NBEA: variants seen among roughly 807,000 people sequenced by gnomAD.
NBEA encodes lysosomal-trafficking regulator 2.
Under a neutral mutation model 343.4 loss-of-function variants are expected in NBEA, and 44 were observed. The ratio of observed to expected loss-of-function variants is 0.13; its 90% CI spans 0.10 to 0.16. NBEA has a LOEUF of 0.16. NBEA is among the 10% of genes least tolerant of loss of function. The probability of loss-of-function intolerance (pLI) is 1.00; values close to 1 mark genes in which losing one functional copy is unlikely to be tolerated. For synonymous variants in NBEA, 1,175 were observed against 1,238.7 expected, an observed-to-expected ratio of 0.95 and a Z score of 1.08; for missense variants, 2,555 against 3,631.3, an observed-to-expected ratio of 0.70 and a Z score of 7.62.
chr13:35,437,775 T>G (rs1364265992), intron 39 of NBEA, among the ~76,000 whole-genome samples: 1 of 152,176 alleles, frequency 6.6e-6, no homozygotes, highest in Non-Finnish European at 1.5e-5. Context: ...GCAGAATTCT[T>G]TTTCTTTTGA....
intron 10 of NBEA, among the ~76,000 whole-genome samples, chr13:35,090,471 C>T (rs1205731456): frequency 6.6e-6 from 1 of 151,910 alleles, no homozygotes; most frequent in South Asian, 2.1e-4. Flanking sequence ...GGTTTCTTAG[C>T]TGGTAAAATT....
chr13:35,331,370 A>G (rs2152848515), intron 36 of NBEA, among the ~76,000 whole-genome samples: 1 of 152,132 alleles, frequency 6.6e-6, no homozygotes, highest in African/African-American at 2.4e-5. Flanking sequence ...CTGAAATAGT[A>G]TACTCCCATT....
At chr13:35,452,353 T>C (rs1376471060) in intron 40 of NBEA, 118 bp downstream of exon 40, 6 of 730,634 alleles carry the variant, frequency 8.2e-6, no homozygotes, top group Admixed American at 5.8e-5. Flanking sequence ...CTCAATCACA[T>C]GAATGTTAAA....
In NBEA at chr13:35,672,407, T is replaced by C. The variant is rs2085649096; in HGVS notation, c.*1416T>C. 1 of 152,674 alleles carries C rather than the reference T, an allele frequency of 6.5e-6. No homozygotes were observed. Among genetic ancestry groups the C allele is most frequent in the South Asian group, 2.1e-4 (1 of 4,832 alleles). The allele number at this position is 152,674 out of a possible 1,614,324, so 9.5% of individuals were successfully genotyped here. A position where few individuals can be genotyped will look rare whatever the true frequency, so the allele number is the denominator to read the frequency against. On this transcript the variant is annotated 3_prime_UTR_variant, in exon 59 of 59. Coordinates refer to ENST00000379939, the MANE Select transcript of NBEA (RefSeq NM_001385012.1). ...TTTATTGATGTGATTACTTATTTGT[T>C]ATCCACCTTGTACTAGTAAGTTTTA...
intron 1 of NBEA, among the ~76,000 whole-genome samples, chr13:34,958,674 G>A (rs959763056): frequency 3.3e-5 from 5 of 152,044 alleles, no homozygotes; most frequent in East Asian, 1.9e-4. Flanking sequence ...CTAGAACTCC[G>A]GGCATTTGTG....
At chr13:35,104,107 A>G (rs2065793700) in intron 11 of NBEA, among the ~76,000 whole-genome samples, 1 of 151,858 alleles carries the variant, frequency 6.6e-6, no homozygotes, top group Non-Finnish European at 1.5e-5. Flanking sequence ...CTTAAGAACT[A>G]AAATGGTAAA....
chr13:35,509,458 C>G (rs2077192773), intron 41 of NBEA, among the ~76,000 whole-genome samples: 2 of 152,178 alleles, frequency 1.3e-5, no homozygotes, highest in East Asian at 1.9e-4. Context: ...AGGAGAGTCA[C>G]TTTAAGTTCG....
At chr13:35,168,799 C>T (rs932330128) in intron 24 of NBEA, among the ~76,000 whole-genome samples, 188 bp from the exon 25 acceptor site, 2 of 151,094 alleles carry the variant, frequency 1.3e-5, no homozygotes, top group Admixed American at 6.6e-5. Flanking sequence ...TGATATTTAA[C>T]CTTGATCATG....
chr13:35,606,522 G>A lies in NBEA; in HGVS notation c.7393G>A (p.Val2465Ile). The A allele has an allele frequency of 6.2e-7, 1 of 1,608,056 alleles. No homozygotes were observed. The highest frequency in any genetic ancestry group is 1.3e-5 in the African/African-American group (1 of 74,972). Residue 2465 changes from valine (V) to isoleucine (I), a missense_variant, in exon 48 of 59, where the codon GTT (valine) becomes ATT (isoleucine). Physicochemically the swap from Val to Ile is conservative, Grantham distance 29. This residue lies in a region of NBEA where 156 missense variants were observed against 185.8 expected (regional missense o/e 0.84). Transcript: ENST00000379939. ...VREDEVVVND[V>I]DLPPWAKKPE... ...AGAAGATGAAGTAGTGGTAAATGAT[G>A]TTGATCTTCCCCCTTGGGCAAAAAA...
chr13:35,116,617 C>G (rs1221290350), intron 13 of NBEA, among the ~76,000 whole-genome samples: 1 of 151,800 alleles, frequency 6.6e-6, no homozygotes, highest in Non-Finnish European at 1.5e-5. Flanking sequence ...TAAGCAGATG[C>G]TATACATTAT....
Position 35,555,019 on chromosome 13 carries a change from A to G in NBEA, c.6839A>G (p.Tyr2280Cys). 1 of 1,612,100 alleles carries G rather than the reference A, an allele frequency of 6.2e-7. No homozygotes were observed. Among genetic ancestry groups the G allele is most frequent in the Non-Finnish European group, 8.5e-7 (1 of 1,178,686 alleles). ...TCATTGGCCACTCCTCGACAGCTTT[A>G]TAAATCTTCCAATATGACTCAGCGC... is the stretch of plus-strand genomic sequence containing the variant. ...RISLATPRQLYKSSNMTQRWQ... is the reference protein window; with the variant it reads ...RISLATPRQLCKSSNMTQRWQ... Residue 2280 changes from tyrosine (Y) to cysteine (C), a missense_variant, in exon 44 of 59, where the codon TAT (tyrosine) becomes TGT (cysteine). By Grantham distance (194) the Tyr-to-Cys change is radical. Around this residue, in one of 21 missense-constraint regions of NBEA, gnomAD observed 38 missense variants for 97.2 expected, o/e 0.39. Coordinates refer to ENST00000379939, the MANE Select transcript of NBEA (RefSeq NM_001385012.1).
intron 1 of NBEA, among the ~76,000 whole-genome samples, chr13:34,973,632 T>C (rs1385767619): frequency 6.6e-6 from 1 of 152,128 alleles, no homozygotes; most frequent in African/African-American, 2.4e-5. Context: ...CTCCAGGGCC[T>C]GCAGGCTGGA....
intron 38 of NBEA, among the ~76,000 whole-genome samples, chr13:35,358,587 G>A (rs990023616): frequency 1.1e-4 from 16 of 151,678 alleles, no homozygotes; most frequent in Admixed American, 2.0e-4. Context: ...GCATGGTGGC[G>A]TGTGCCTGTA....
intron 36 of NBEA, among the ~76,000 whole-genome samples, chr13:35,331,101 C>G (rs989431753): frequency 6.6e-6 from 1 of 152,064 alleles, no homozygotes; most frequent in East Asian, 1.9e-4. Context: ...TCTGCCATCT[C>G]TTTTTCTCTC....
chr13:35,556,332 C>A (rs1015925304), intron 44 of NBEA, among the ~76,000 whole-genome samples: 1 of 152,012 alleles, frequency 6.6e-6, no homozygotes, highest in African/African-American at 2.4e-5. Flanking sequence ...ACACAACTTT[C>A]AACACCAAAG....
intron 17 of NBEA, among the ~76,000 whole-genome samples, chr13:35,141,484 C>G (rs1176862404): frequency 6.6e-6 from 1 of 152,108 alleles, no homozygotes; most frequent in Non-Finnish European, 1.5e-5. Context: ...CCAGGCTTGT[C>G]TCGAACTTCT....
chr13:34,965,700 A>G (rs1008175095), intron 1 of NBEA, among the ~76,000 whole-genome samples: 2 of 152,006 alleles, frequency 1.3e-5, no homozygotes, highest in East Asian at 1.9e-4. Context: ...ATGGTTGGCA[A>G]ATGCACTTGG....
intron 41 of NBEA, chr13:35,475,538 C>A (rs1170411759): frequency 6.2e-7 from 1 of 1,613,136 alleles, no homozygotes; most frequent in Non-Finnish European, 8.5e-7. Context: ...TTGACCTCCG[C>A]CACCCGGTTG....
chr13:35,087,749 A>G (rs866471317), intron 10 of NBEA, among the ~76,000 whole-genome samples: 2 of 152,054 alleles, frequency 1.3e-5, no homozygotes, highest in Middle Eastern at 3.4e-3. Flanking sequence ...AACTTTAGAC[A>G]ATTTCAGACA....
Sources: gnomAD v4.1 joint callset for allele counts (sites outside exome capture counted in the v4.1 genomes callset) on GRCh38, gnomAD v4.1.1 for gene constraint, gnomAD v4.1.1 regional missense constraint, MANE v1.5 for transcripts, NCBI Gene and HGNC (gene_info 2026-07-23, HGNC 2026-07-21) for gene names.